Variants in RARB observed in about 807,000 individuals in gnomAD.
RARB encodes retinoic acid receptor beta, also known as HBV-activated protein.
Under a neutral mutation model 51.9 loss-of-function variants are expected in RARB, and 17 were observed. That is an observed-to-expected ratio of 0.33 (90% confidence interval 0.22 to 0.49). The LOEUF (loss-of-function observed/expected upper bound fraction) is 0.49. RARB is among the 20% of genes least tolerant of loss of function. RARB has a pLI of 0.99. For missense variants in RARB, 369 were observed against 550.8 expected (o/e 0.67, Z 3.30); for synonymous variants, 215 against 195.4 (o/e 1.10, Z -0.84).
chr3:25,351,177 A>ACC (rs573726807), intron 5 of RARB, among the ~76,000 whole-genome samples: 40 of 152,256 alleles, frequency 2.6e-4, no homozygotes, highest in Admixed American at 1.8e-3. Flanking sequence ...AAGAGGCTTA[A>ACC]CCAGGTAGTT....
chr3:25,062,038 T>C (rs563636726), intron 3 of RARB, among the ~76,000 whole-genome samples: 2 of 151,720 alleles, frequency 1.3e-5, no homozygotes, highest in African/African-American at 4.8e-5. Context: ...GAATCAATGA[T>C]GGGAAACAAG....
chr3:25,566,521 G>A (rs1253616065), intron 3 of RARB, among the ~76,000 whole-genome samples: 3 of 152,186 alleles, frequency 2.0e-5, no homozygotes, highest in Non-Finnish European at 4.4e-5. Context: ...TGCAAACGGC[G>A]TGTGTGATCA....
chr3:25,571,933 G>T (rs1370789504), intron 4 of RARB, among the ~76,000 whole-genome samples: 1 of 152,224 alleles, frequency 6.6e-6, no homozygotes, highest in Non-Finnish European at 1.5e-5. Context: ...CCCATGCTGG[G>T]TGCATCTGAC....
chr3:25,081,088 T>C (rs890273725), intron 3 of RARB, among the ~76,000 whole-genome samples: 3 of 152,128 alleles, frequency 2.0e-5, no homozygotes, highest in Non-Finnish European at 4.4e-5. Context: ...TTTAGATCAT[T>C]AGACCAGTTT....
intron 2 of RARB, among the ~76,000 whole-genome samples, chr3:24,914,931 G>C (rs1695073953): frequency 1.3e-5 from 2 of 152,154 alleles, no homozygotes; most frequent in African/African-American, 4.8e-5. Context: ...TTGTTGTTGA[G>C]CTTCCTAAAG....
chr3:24,939,320 T>G (rs941063928), intron 2 of RARB, among the ~76,000 whole-genome samples: 2 of 152,238 alleles, frequency 1.3e-5, no homozygotes, highest in African/African-American at 4.8e-5. Context: ...TTCAATTCTT[T>G]CTAGCATATC....
chr3:25,153,135 A>T (rs80269673), intron 4 of RARB, among the ~76,000 whole-genome samples: 1 of 149,642 alleles, frequency 6.7e-6, no homozygotes, highest in African/African-American at 2.5e-5. Context: ...ATAGAGGCAG[A>T]GTGTGTGTGT....
intron 2 of RARB, among the ~76,000 whole-genome samples, chr3:25,477,118 G>C (rs564822200): frequency 2.9e-4 from 44 of 152,348 alleles, no homozygotes; most frequent in Admixed American, 1.5e-3. Context: ...TTAGGATACT[G>C]TTGGCCAAGT....
At chr3:25,287,408 C>A (rs1399788327) in intron 5 of RARB, among the ~76,000 whole-genome samples, 1 of 152,134 alleles carries the variant, frequency 6.6e-6, no homozygotes, top group Non-Finnish European at 1.5e-5. Flanking sequence ...AGTCTCAAGG[C>A]TGTACTCATA....
At chr3:25,475,507 C>T (rs1695903514) in intron 2 of RARB, among the ~76,000 whole-genome samples, 1 of 152,068 alleles carries the variant, frequency 6.6e-6, no homozygotes, top group Non-Finnish European at 1.5e-5. Context: ...ATAAAGCTGA[C>T]ATTCCTATAA....
At chr3:25,371,256 A>G (rs1706289954) in intron 5 of RARB, among the ~76,000 whole-genome samples, 1 of 152,142 alleles carries the variant, frequency 6.6e-6, no homozygotes. Flanking sequence ...TAATAATACC[A>G]TTATTTAGGC....
intron 2 of RARB, among the ~76,000 whole-genome samples, chr3:24,960,784 G>A (rs1331406277): frequency 6.6e-6 from 1 of 150,868 alleles, no homozygotes; most frequent in Non-Finnish European, 1.5e-5. Flanking sequence ...TAACTTTGGT[G>A]TGTCGCATTG....
intron 5 of RARB, among the ~76,000 whole-genome samples, chr3:25,243,432 A>G (rs1223347013): frequency 6.6e-6 from 1 of 152,108 alleles, no homozygotes. Flanking sequence ...TCAGTGTGAT[A>G]TTGGCTGTGG....
At chr3:24,899,229 A>AG (rs1703544576) in intron 2 of RARB, among the ~76,000 whole-genome samples, 1 of 152,180 alleles carries the variant, frequency 6.6e-6, no homozygotes, top group Non-Finnish European at 1.5e-5. Flanking sequence ...CCTTTGAAGC[A>AG]GGGGGCCCTG....
chr3:24,960,228 T>G (rs1348923800), intron 2 of RARB, among the ~76,000 whole-genome samples: 13 of 152,226 alleles, frequency 8.5e-5, no homozygotes, highest in Admixed American at 8.5e-4. Context: ...CACACATCTT[T>G]GAATATCAGA....
At chr3:25,580,506 C>T in intron 4 of RARB, 40 bp from the exon 5 acceptor site, 1 of 1,505,298 alleles carries the variant, frequency 6.6e-7, no homozygotes, top group Non-Finnish European at 9.1e-7. Flanking sequence ...TATAGAGCTT[C>T]CCGGAAACTG....
chr3:25,267,511 C>T (rs1207960466), intron 5 of RARB, among the ~76,000 whole-genome samples: 1 of 152,212 alleles, frequency 6.6e-6, no homozygotes, highest in Non-Finnish European at 1.5e-5. Context: ...CTACCACTTA[C>T]TTCTTTGATC....
chr3:25,254,337 G>A (rs1702804729), intron 5 of RARB, among the ~76,000 whole-genome samples: 1 of 152,094 alleles, frequency 6.6e-6, no homozygotes, highest in Non-Finnish European at 1.5e-5. Flanking sequence ...CTCTACATAG[G>A]TAGCTTTTCC....
intron 2 of RARB, among the ~76,000 whole-genome samples, chr3:24,911,570 A>G (rs948667085): frequency 2.6e-5 from 4 of 152,150 alleles, no homozygotes; most frequent in African/African-American, 9.7e-5. Context: ...TGCTTTTGCT[A>G]TTAAGTGGTA....
Sources: allele counts gnomAD v4.1 joint callset (sites outside exome capture counted in the v4.1 genomes callset), GRCh38; gene constraint gnomAD v4.1.1; transcripts MANE v1.5; gene names NCBI Gene and HGNC (gene_info 2026-07-23, HGNC 2026-07-21).